Variants in ZNF804A observed in about 807,000 individuals in gnomAD.
ZNF804A encodes zinc finger protein 804A.
A neutral mutation model predicts 16.5 loss-of-function variants in ZNF804A; 2 were observed. The observed-to-expected ratio is 0.12, with a 90% CI of 0.05 to 0.38. The LOEUF (loss-of-function observed/expected upper bound fraction) is 0.38, where lower values mean the gene tolerates loss of function less well. Ranked by LOEUF, ZNF804A falls within the 10% of genes least tolerant of loss-of-function variation. ZNF804A has a pLI of 0.99. For missense variants in ZNF804A, 1,473 were observed against 1,390.7 expected, an observed-to-expected ratio of 1.06 and a Z score of -0.94; for synonymous variants, 534 against 489.6, an observed-to-expected ratio of 1.09 and a Z score of -1.20.
chr2:184,937,825 A>G lies in ZNF804A; in HGVS notation c.2429A>G (p.Lys810Arg). 1.9e-6 allele frequency: 3 copies of G among 1,614,148 alleles called. No homozygotes were observed. The highest frequency in any genetic ancestry group is 2.5e-6 in the Non-Finnish European group (3 of 1,180,004). ...STSVAPCKPK[K>R]KRRRKRGRFH... The stretch of plus-strand genomic sequence containing the variant: ...TCAGTTGCTCCCTGCAAGCCTAAAA[A>G]GAAACGGAGGCGAAAAAGAGGCAGA... The change falls in exon 4 of 4, where the codon AAG becomes AGG. Residue 810 changes from lysine (K) to arginine (R), a missense_variant. Lys to Arg is a conservative substitution (Grantham distance 26). Transcript: ENST00000302277.
chr2:184,905,435 ATAT>A (rs952112274), intron 2 of ZNF804A, among the ~76,000 whole-genome samples: 60 of 152,120 alleles, frequency 3.9e-4, no homozygotes, highest in African/African-American at 1.2e-3. Flanking sequence ...ATGTTTAAAA[ATAT>A]TATATTTGCT....
At chr2:184,684,306 A>T (rs1478889877) in intron 1 of ZNF804A, among the ~76,000 whole-genome samples, 1 of 152,230 alleles carries the variant, frequency 6.6e-6, no homozygotes, top group Non-Finnish European at 1.5e-5. Context: ...TACACAAATA[A>T]GTGTATATGG....
At chr2:184,761,136 A>G (rs757332159) in intron 1 of ZNF804A, among the ~76,000 whole-genome samples, 1 of 152,100 alleles carries the variant, frequency 6.6e-6, no homozygotes, top group Non-Finnish European at 1.5e-5. Context: ...ACCTCAGCAT[A>G]TTTTACTTGA....
At chr2:184,830,532 A>G (rs1375519893) in intron 1 of ZNF804A, among the ~76,000 whole-genome samples, 7 of 152,228 alleles carry the variant, frequency 4.6e-5, no homozygotes, top group Non-Finnish European at 7.4e-5. Context: ...TGAGACAGGC[A>G]TTTTTGAGAG....
intron 1 of ZNF804A, among the ~76,000 whole-genome samples, chr2:184,785,777 C>G (rs1430226225): frequency 6.6e-6 from 1 of 152,014 alleles, no homozygotes; most frequent in Admixed American, 6.6e-5. Flanking sequence ...AAATACATAT[C>G]TGTGCATATA....
At chr2:184,758,699 C>T (rs1371128929) in intron 1 of ZNF804A, among the ~76,000 whole-genome samples, 1 of 151,856 alleles carries the variant, frequency 6.6e-6, no homozygotes, top group Non-Finnish European at 1.5e-5. Context: ...TATTAATATG[C>T]TTCTATATTA....
chr2:184,721,595 T>G (rs1228413450), intron 1 of ZNF804A, among the ~76,000 whole-genome samples: 2 of 152,010 alleles, frequency 1.3e-5, no homozygotes, highest in East Asian at 1.9e-4. Context: ...CAGGTGCTGG[T>G]GAGGATGTGG....
chr2:184,755,267 A>G (rs1693941633), intron 1 of ZNF804A, among the ~76,000 whole-genome samples: 1 of 151,930 alleles, frequency 6.6e-6, no homozygotes, highest in African/African-American at 2.4e-5. Flanking sequence ...GACCTACTAG[A>G]AAAATATTAA....
intron 1 of ZNF804A, among the ~76,000 whole-genome samples, chr2:184,711,305 T>C (rs1282958969): frequency 1.3e-5 from 2 of 151,810 alleles, no homozygotes; most frequent in African/African-American, 4.8e-5. Flanking sequence ...TATATATTAC[T>C]TTGGAGAACT....
At chr2:184,704,411 C>CA (rs1692985904) in intron 1 of ZNF804A, among the ~76,000 whole-genome samples, 2 of 152,218 alleles carry the variant, frequency 1.3e-5, no homozygotes, top group South Asian at 4.1e-4. Flanking sequence ...CTCAGCCTCC[C>CA]AAAGTCCTGG....
intron 1 of ZNF804A, among the ~76,000 whole-genome samples, chr2:184,772,834 T>TA (rs1694236074): frequency 6.6e-6 from 1 of 151,186 alleles, no homozygotes; most frequent in South Asian, 2.1e-4. Context: ...ATAGACATCC[T>TA]AGTGGATGTG....
chr2:184,600,761 G>A (rs1401092569), intron 1 of ZNF804A, among the ~76,000 whole-genome samples: 1 of 152,140 alleles, frequency 6.6e-6, no homozygotes, highest in African/African-American at 2.4e-5. Flanking sequence ...TGATTCTCAA[G>A]TTAATCTTAG....
intron 1 of ZNF804A, among the ~76,000 whole-genome samples, chr2:184,750,521 G>A (rs1055351667): frequency 2.6e-5 from 4 of 151,236 alleles, no homozygotes; most frequent in African/African-American, 9.7e-5. Context: ...ATTGAGATAT[G>A]TTTGGGATAC....
At chr2:184,654,156 A>G (rs1033985459) in intron 1 of ZNF804A, among the ~76,000 whole-genome samples, 2 of 152,194 alleles carry the variant, frequency 1.3e-5, no homozygotes, top group African/African-American at 4.8e-5. Flanking sequence ...GATACAGCCT[A>G]TATCTTCAGC....
In ZNF804A at chr2:184,622,810, G is replaced by T. The variant is rs78279446; in HGVS notation, c.111+23740G>T. Among the ~76,000 whole-genome samples the T allele has an allele frequency of 2.3e-3, 351 of 152,026 alleles. 7 individuals are homozygous for T. The East Asian group carries it at 0.062, about 27-fold the overall frequency. On this transcript the variant is annotated intron_variant, in intron 1 of 3. Transcript: ENST00000302277. ...CTGAAAACAAACTGAGGAAAGGAAA[G>T]AACTTAGAACCGGAATACATATTCT...
intron 1 of ZNF804A, among the ~76,000 whole-genome samples, chr2:184,804,243 C>T (rs1224377081): frequency 2.0e-5 from 3 of 152,092 alleles, no homozygotes; most frequent in Admixed American, 6.6e-5. Context: ...GATTTGTGAT[C>T]TTTAACTTCA....
At chr2:184,920,924 G>A (rs1685519742) in intron 2 of ZNF804A, among the ~76,000 whole-genome samples, 1 of 152,184 alleles carries the variant, frequency 6.6e-6, no homozygotes, top group African/African-American at 2.4e-5. Context: ...TTGATGAAAG[G>A]ACAGGTATGC....
chr2:184,837,280 G>C (rs1256863995), intron 1 of ZNF804A, among the ~76,000 whole-genome samples: 1 of 151,980 alleles, frequency 6.6e-6, no homozygotes, highest in Non-Finnish European at 1.5e-5. Flanking sequence ...GTAAACAGTA[G>C]GTTAGACAAA....
At chr2:184,841,567 T>C (rs887966376) in intron 1 of ZNF804A, among the ~76,000 whole-genome samples, 10 of 152,294 alleles carry the variant, frequency 6.6e-5, no homozygotes, top group African/African-American at 1.9e-4. Context: ...AGTTTTATTG[T>C]AATATTTGTA....
Sources: allele counts gnomAD v4.1 joint callset (sites outside exome capture counted in the v4.1 genomes callset), GRCh38; gene constraint gnomAD v4.1.1; transcripts MANE v1.5; gene names NCBI Gene and HGNC (gene_info 2026-07-23, HGNC 2026-07-21).